The following LAMP3 variants were observed in gnomAD, a reference collection of about 807,000 sequenced individuals.
LAMP3 encodes the protein lysosome-associated membrane glycoprotein 3.
Under a neutral mutation model 34.8 loss-of-function variants are expected in LAMP3, and 26 were observed. The observed-to-expected ratio is 0.75, with a 90% CI of 0.55 to 1.04. The LOEUF (loss-of-function observed/expected upper bound fraction) is 1.04. Ranked by LOEUF, LAMP3 falls within the 50% of genes least tolerant of loss-of-function variation. The pLI is 0.00. For synonymous variants in LAMP3, 180 were observed against 201.9 expected, an observed-to-expected ratio of 0.89 and a Z score of 0.92; for missense variants, 495 against 524.0, an observed-to-expected ratio of 0.94 and a Z score of 0.54.
At chr3:183,129,838 C>CATGTATTAG (rs1177148874) in intron 5 of LAMP3, among the ~76,000 whole-genome samples, 1 of 152,198 alleles carries the variant, frequency 6.6e-6, no homozygotes, top group Non-Finnish European at 1.5e-5. Flanking sequence ...GACCACAGAA[C>CATGTATTAG]ATGTATTAGG....
At chr3:183,126,264 T>A (rs147839972) in intron 5 of LAMP3, among the ~76,000 whole-genome samples, 2,918 of 149,496 alleles carry the variant, frequency 0.02, 32 homozygotes, top group Non-Finnish European at 0.027. Context: ...AGAAGTTCCT[T>A]AAGCTCCGTG....
chr3:183,147,931 G>A (rs1183185039), intron 3 of LAMP3, among the ~76,000 whole-genome samples: 1 of 152,100 alleles, frequency 6.6e-6, no homozygotes. Context: ...TGCCCAGGCT[G>A]ATCTCAAACT....
chr3:183,133,074 G>A, intron 5 of LAMP3: 1 of 327,088 alleles, frequency 3.1e-6, no homozygotes, highest in Non-Finnish European at 4.4e-6. Context: ...TGGAGCTGTT[G>A]GGGCTCAGAC....
chr3:183,162,650 G>A lies in LAMP3; in HGVS notation c.6C>T (p.Pro2=). 2.6e-6 allele frequency: 4 copies of A among 1,539,904 alleles called. No individual in the cohort carries two copies. The highest frequency in any genetic ancestry group is 2.4e-5 in the South Asian group (2 of 83,606). Residue 2 remains proline (P), a synonymous_variant, in exon 1 of 6, where the codon CCC becomes CCT. Transcript: ENST00000265598. ...GCGCGGCCGCCGCGCTGAGCTGCCG[G>A]GGCATGGTGGGCGCTGGGCGAGGTT... M[P]RQLSAAAALF... is the part of the protein sequence containing the mutation.
At position 183,148,119 on chromosome 3, in the gene LAMP3, G is replaced by A. The variant is rs546940494; in HGVS notation, c.888+4256C>T. On this transcript the variant is annotated intron_variant, in intron 3 of 5. Transcript: ENST00000265598. ...TGCTAGGAAAACTGGGTATCTATATGCAGAACAATGAAACTAGACTCCTAT... is the reference window on the plus strand; with the variant it reads ...TGCTAGGAAAACTGGGTATCTATATACAGAACAATGAAACTAGACTCCTAT... 5.9e-5 allele frequency among the ~76,000 whole-genome samples: 9 copies of A among 152,280 alleles called. No individual in the cohort carries two copies. The East Asian group carries it at 1.7e-3, about 29-fold the overall frequency.
Position 183,145,348 on chromosome 3 carries a change from C to T in LAMP3, c.889-4753G>A, listed in dbSNP as rs567383940. Among the ~76,000 whole-genome samples, 3 of 152,336 alleles carry T rather than the reference C, an allele frequency of 2.0e-5. No homozygotes were observed. The South Asian group carries it at 6.2e-4, about 32-fold the overall frequency. ...CCAAATACCACGCTGAACACTTTTA[C>T]ATTCTTTAGCTCAGCACACTCTCAT... On this transcript the variant is annotated intron_variant, in intron 3 of 5. Transcript: ENST00000265598.
chr3:183,158,719 C>A (rs577912614), intron 1 of LAMP3, among the ~76,000 whole-genome samples: 1 of 152,204 alleles, frequency 6.6e-6, no homozygotes, highest in South Asian at 2.1e-4. Flanking sequence ...CAGTCCCTTC[C>A]CAGACAGCCT....
chr3:183,151,297 C>A lies in LAMP3; in HGVS notation c.888+1078G>T, dbSNP rs112042486. 2.8e-3 allele frequency among the ~76,000 whole-genome samples: 428 copies of A among 152,312 alleles called. 2 individuals are homozygous for A. The highest frequency in any genetic ancestry group is 9.7e-3 in the African/African-American group (403 of 41,562). On this transcript the variant is annotated intron_variant, in intron 3 of 5. Transcript: ENST00000265598. ...AAGGACACTCTGAGGCAAGCGGGGG[C>A]AAGTCTCTCCCAGGGGAGTGGGATG...
chr3:183,138,265 T>C (rs1720162141), intron 4 of LAMP3, among the ~76,000 whole-genome samples: 1 of 152,178 alleles, frequency 6.6e-6, no homozygotes, highest in Non-Finnish European at 1.5e-5. Flanking sequence ...TGAATTAACA[T>C]ATATGAAAAT....
chr3:183,128,366 A>C (rs1719833985), intron 5 of LAMP3, among the ~76,000 whole-genome samples: 1 of 152,102 alleles, frequency 6.6e-6, no homozygotes, highest in African/African-American at 2.4e-5. Flanking sequence ...ACTATTATGC[A>C]CTATGATTTT....
chr3:183,145,734 G>A (rs1181945826), intron 3 of LAMP3, among the ~76,000 whole-genome samples: 3 of 152,114 alleles, frequency 2.0e-5, no homozygotes, highest in African/African-American at 7.2e-5. Flanking sequence ...GTGCACACCT[G>A]TAATCCCAGC....
rs1719707374 is a variant in LAMP3, at chr3:183,123,159, G to T, written c.*922C>A. ...TAATTCTTAGTCTAGCGATTCTGGA[G>T]CAGGAGTCATCAAGATAAAAAATAT... On this transcript the variant is annotated 3_prime_UTR_variant, in exon 6 of 6. Transcript: ENST00000265598. 1 of 152,172 alleles carries T rather than the reference G, an allele frequency of 6.6e-6. No individual in the cohort carries two copies. Among genetic ancestry groups the T allele is most frequent in the Non-Finnish European group, 1.5e-5 (1 of 68,034 alleles). 9.4% of individuals were successfully genotyped at this position (152,172 alleles called of 1,614,324 possible). A position where few individuals can be genotyped will look rare whatever the true frequency, so the allele number is the denominator to read the frequency against.
At chr3:183,142,448 T>A (rs1427136702) in intron 3 of LAMP3, among the ~76,000 whole-genome samples, 1 of 152,090 alleles carries the variant, frequency 6.6e-6, no homozygotes, top group East Asian at 1.9e-4. Context: ...ATGCTTGGCA[T>A]TTCTGTGAGA....
Position 183,126,122 on chromosome 3 carries a change from T to C in LAMP3, c.1118-1908A>G, listed in dbSNP as rs1719773000. Among the ~76,000 whole-genome samples the C allele has an allele frequency of 2.6e-5, 4 of 152,288 alleles. No individual in the cohort carries two copies. The South Asian group carries it at 8.3e-4, about 32-fold the overall frequency. ...ATCCCAAAGATATATTCATACACTA[T>C]GCAAAGGTATATTACAGCACTGTCC... is the stretch of plus-strand genomic sequence containing the variant. On this transcript the variant is annotated intron_variant, in intron 5 of 5. Transcript: ENST00000265598.
intron 3 of LAMP3, among the ~76,000 whole-genome samples, chr3:183,145,278 G>C (rs1191870514): frequency 3.3e-5 from 5 of 151,790 alleles, no homozygotes; most frequent in Non-Finnish European, 7.4e-5. Flanking sequence ...ATGAAACTGC[G>C]GGAAAAAAAG....
At chr3:183,155,856 G>A (rs1353768875) in intron 1 of LAMP3, among the ~76,000 whole-genome samples, 1 of 152,214 alleles carries the variant, frequency 6.6e-6, no homozygotes, top group African/African-American at 2.4e-5. Flanking sequence ...CAACAGCATT[G>A]TAGGCCTTTT....
chr3:183,130,268 C>T (rs1301563680), intron 5 of LAMP3, among the ~76,000 whole-genome samples: 3 of 151,084 alleles, frequency 2.0e-5, no homozygotes, highest in Admixed American at 6.6e-5. Context: ...ACGCCATTCT[C>T]CTGCCTCAGC....
chr3:183,154,486 C>T (rs1011540971), intron 1 of LAMP3, 95 bp from the exon 2 acceptor site: 1 of 936,388 alleles, frequency 1.1e-6, no homozygotes, highest in East Asian at 2.5e-5. Context: ...CATAAAAAAA[C>T]CTAACATGCA....
At position 183,123,253 on chromosome 3, in the gene LAMP3, T is replaced by C. The variant is rs1307001475; in HGVS notation, c.*828A>G. 1 of 152,140 alleles carries C rather than the reference T, an allele frequency of 6.6e-6. No individual in the cohort carries two copies. The highest frequency in any genetic ancestry group is 6.6e-5 in the Admixed American group (1 of 15,266). The allele number at this position is 152,140 out of a possible 1,614,324, so 9.4% of individuals were successfully genotyped here. On this transcript the variant is annotated 3_prime_UTR_variant, in exon 6 of 6. Coordinates refer to ENST00000265598, the MANE Select transcript of LAMP3 (RefSeq NM_014398.4). Reference sequence around the variant, plus strand: ...GACAACCTGAGATATGTTGTTCTTTTTGATGATTAAAAAAAACATTTAAGG... The same window carrying C: ...GACAACCTGAGATATGTTGTTCTTTCTGATGATTAAAAAAAACATTTAAGG...
Sources: allele counts gnomAD v4.1 joint callset (sites outside exome capture counted in the v4.1 genomes callset), GRCh38; gene constraint gnomAD v4.1.1; transcripts MANE v1.5; gene names NCBI Gene and HGNC (gene_info 2026-07-23, HGNC 2026-07-21).